BMPR2: variants seen among roughly 807,000 people sequenced by gnomAD.
BMPR2 encodes the protein bone morphogenetic protein receptor type-2.
A neutral mutation model predicts 100.8 loss-of-function variants in BMPR2; 29 were observed. The observed-to-expected ratio is 0.29, with a 90% CI of 0.21 to 0.39. The LOEUF (loss-of-function observed/expected upper bound fraction) is 0.39. Ranked by LOEUF, BMPR2 falls within the 10% of genes least tolerant of loss-of-function variation. BMPR2 has a pLI of 1.00. For synonymous variants in BMPR2, 382 were observed against 442.3 expected (o/e 0.86, Z 1.71); for missense variants, 1,011 against 1,274.5 (o/e 0.79, Z 3.15).
Position 202,555,753 on chromosome 2 carries a change from A to G in BMPR2, c.2088A>G (p.Pro696=), listed in dbSNP as rs756378901. 6.2e-7 allele frequency: 1 copy of G among 1,614,182 alleles called. No individual in the cohort carries two copies. The highest frequency in any genetic ancestry group is 8.5e-7 in the Non-Finnish European group (1 of 1,180,042). Residue 696 remains proline, a synonymous_variant, in exon 12 of 13, where the codon CCA becomes CCG. Transcript: ENST00000374580. ...MEHSLKQFSG[P]DPLSSTSSSL... ...ACTCTCTTAAACAGTTCAGTGGCCC[A>G]GACCCACTGAGCAGTACTAGTTCTA...
rs927942575 is a variant in BMPR2 at position 202,549,636 on chromosome 2, T to C, written c.1414-3080T>C. Among the ~76,000 whole-genome samples, 6 of 151,708 alleles carry C rather than the reference T, an allele frequency of 4.0e-5. No homozygotes were observed. In the East Asian group the frequency reaches 1.2e-3, roughly 30 times the overall value. ...TGGTGGTGCATACCTGTAATCCCAG[T>C]TACTCGGGATTGAGGCTTGAGAATC... On this transcript the variant is annotated intron_variant, in intron 10 of 12. Coordinates refer to ENST00000374580, the MANE Select transcript of BMPR2 (RefSeq NM_001204.7).
intron 7 of BMPR2, among the ~76,000 whole-genome samples, chr2:202,527,624 A>G (rs1400099863): frequency 6.7e-6 from 1 of 148,584 alleles, no homozygotes; most frequent in Non-Finnish European, 1.5e-5. Context: ...TCTCTACTAA[A>G]AATACAAAAA....
chr2:202,479,881 G>A (rs1026354431), intron 3 of BMPR2, among the ~76,000 whole-genome samples: 9 of 151,956 alleles, frequency 5.9e-5, no homozygotes, highest in Non-Finnish European at 7.4e-5. Context: ...CTTTTCCTGT[G>A]CTTCTTAAAC....
chr2:202,552,307 G>C (rs1396095749), intron 10 of BMPR2, among the ~76,000 whole-genome samples: 1 of 152,136 alleles, frequency 6.6e-6, no homozygotes, highest in Non-Finnish European at 1.5e-5. Flanking sequence ...CTTAACTGGG[G>C]GTAAAGGAGA....
At chr2:202,528,423 G>A (rs1687958601) in intron 7 of BMPR2, among the ~76,000 whole-genome samples, 1 of 152,084 alleles carries the variant, frequency 6.6e-6, no homozygotes, top group Non-Finnish European at 1.5e-5. Context: ...TCCTGACCTC[G>A]TGATCCACCC....
chr2:202,425,027 C>G (rs915062996), intron 1 of BMPR2, among the ~76,000 whole-genome samples: 1 of 151,760 alleles, frequency 6.6e-6, no homozygotes, highest in Non-Finnish European at 1.5e-5. Context: ...GGTGCAATCT[C>G]GGCTCACTGC....
intron 1 of BMPR2, among the ~76,000 whole-genome samples, chr2:202,464,508 G>A (rs1392611864): frequency 3.3e-5 from 5 of 152,116 alleles, no homozygotes; most frequent in Admixed American, 6.5e-5. Flanking sequence ...TTTCTTTGAT[G>A]ATATTTTTTA....
intron 3 of BMPR2, among the ~76,000 whole-genome samples, chr2:202,470,814 C>T (rs1272209164): frequency 6.6e-6 from 1 of 151,786 alleles, no homozygotes; most frequent in Admixed American, 6.6e-5. Context: ...AGCCTGTAAT[C>T]CCAGCACTTT....
intron 1 of BMPR2, among the ~76,000 whole-genome samples, chr2:202,433,351 T>C (rs1224832034): frequency 6.6e-6 from 1 of 150,622 alleles, no homozygotes; most frequent in Non-Finnish European, 1.5e-5. Context: ...GAAAAAACTC[T>C]GCATGTTTTT....
At chr2:202,535,866 C>T (rs563098829) in intron 9 of BMPR2, among the ~76,000 whole-genome samples, 162 of 152,312 alleles carry the variant, frequency 1.1e-3, no homozygotes, top group African/African-American at 3.4e-3. Context: ...GCGGATCACT[C>T]GCGGTTAGGG....
chr2:202,397,996 C>T (rs1033561316), intron 1 of BMPR2, among the ~76,000 whole-genome samples: 5 of 151,612 alleles, frequency 3.3e-5, no homozygotes, highest in African/African-American at 9.7e-5. Flanking sequence ...GTGGCAGGCA[C>T]CTATAATCAC....
At chr2:202,443,209 G>A (rs1430100793) in intron 1 of BMPR2, among the ~76,000 whole-genome samples, 1 of 150,748 alleles carries the variant, frequency 6.6e-6, no homozygotes, top group Non-Finnish European at 1.5e-5. Context: ...ATACGATCTA[G>A]TCTGTGGTAT....
chr2:202,393,228 A>G (rs1690586471), intron 1 of BMPR2, among the ~76,000 whole-genome samples: 1 of 152,174 alleles, frequency 6.6e-6, no homozygotes, highest in Admixed American at 6.6e-5. Context: ...GATGTGATAC[A>G]CTTAAGGTTA....
intron 7 of BMPR2, among the ~76,000 whole-genome samples, chr2:202,527,181 C>T (rs1687930035): frequency 6.6e-6 from 1 of 152,062 alleles, no homozygotes; most frequent in African/African-American, 2.4e-5. Flanking sequence ...ATGTTTTTTA[C>T]CTGATTATTT....
chr2:202,392,673 G>A (rs1238084706), intron 1 of BMPR2, among the ~76,000 whole-genome samples: 1 of 152,100 alleles, frequency 6.6e-6, no homozygotes, highest in African/African-American at 2.4e-5. Flanking sequence ...AGCTGTAGTT[G>A]TTTGAGTTTC....
At chr2:202,460,527 A>G (rs1244801068) in intron 1 of BMPR2, among the ~76,000 whole-genome samples, 4 of 152,200 alleles carry the variant, frequency 2.6e-5, no homozygotes, top group Admixed American at 6.5e-5. Context: ...TAAAAATTCA[A>G]TAGAAAAAAT....
chr2:202,536,324 G>A (rs1688157199), intron 9 of BMPR2, among the ~76,000 whole-genome samples: 1 of 151,936 alleles, frequency 6.6e-6, no homozygotes, highest in South Asian at 2.1e-4. Flanking sequence ...ATGTTGCTCA[G>A]GCTGGTCTCA....
At chr2:202,384,569 T>TTTCTTTTCTTTC (rs138215628) in intron 1 of BMPR2, among the ~76,000 whole-genome samples, 4 of 93,504 alleles carry the variant, frequency 4.3e-5, no homozygotes, top group South Asian at 3.2e-4. Context: ...TCTTTCTTTC[T>TTTCTTTTCTTTC]TTTTCTTTCT....
Position 202,562,382 on chromosome 2 carries a change from C to T in BMPR2, c.*2436C>T, listed in dbSNP as rs962582595. The T allele has an allele frequency of 6.6e-6, 1 of 152,490 alleles. No homozygotes were observed. The highest frequency in any genetic ancestry group is 2.4e-5 in the African/African-American group (1 of 41,420). The allele number at this position is 152,490 out of a possible 1,614,324, so 9.4% of individuals were successfully genotyped here. On this transcript the variant is annotated 3_prime_UTR_variant, in exon 13 of 13. Transcript: ENST00000374580. ...CAAGCATGTTTAAAACAAATAATTT[C>T]CTTTCACCAGTTTTTCTTAGTAAAC...
Sources: gnomAD v4.1 joint callset for allele counts (sites outside exome capture counted in the v4.1 genomes callset) on GRCh38, gnomAD v4.1.1 for gene constraint, MANE v1.5 for transcripts, NCBI Gene and HGNC (gene_info 2026-07-23, HGNC 2026-07-21) for gene names.